Variants in ACKR3 observed in about 807,000 individuals in gnomAD.
The protein encoded by ACKR3 is atypical chemokine receptor 3.
A neutral mutation model predicts 22.4 loss-of-function variants in ACKR3; 6 were observed. That is an observed-to-expected ratio of 0.27 (90% CI 0.15 to 0.53). The LOEUF (loss-of-function observed/expected upper bound fraction) is 0.53, where lower values mean the gene tolerates loss of function less well. ACKR3 is among the 20% of genes least tolerant of loss of function. The pLI, the probability that ACKR3 is intolerant of heterozygous loss-of-function variation, is 0.96. For missense variants in ACKR3, 396 were observed against 475.2 expected (o/e 0.83, Z 1.55); for synonymous variants, 209 against 205.2 (o/e 1.02, Z -0.16).
chr2:236,546,649 TG>T, the ACKR3 span, among the ~76,000 whole-genome samples: 1 of 152,154 alleles, frequency 6.6e-6, no homozygotes, highest in Non-Finnish European at 1.5e-5. The surrounding 1 kb of genome is among the most constrained non-coding windows in gnomAD (Gnocchi z 4.9). Flanking sequence ...TTGGAGAACC[TG>T]GGCAGCAGAG....
rs1217773391 is a variant in ACKR3, at chr2:236,581,239, G to C, written c.774G>C (p.Val258=). 6.2e-7 allele frequency: 1 copy of C among 1,614,058 alleles called. No individual in the cohort carries two copies. The change falls in exon 2 of 2, where the codon GTG becomes GTC. Residue 258 remains valine, a synonymous_variant. Coordinates refer to ENST00000272928, the MANE Select transcript of ACKR3 (RefSeq NM_020311.3). The surrounding 1 kb of genome is among the most constrained non-coding windows in gnomAD (Gnocchi z 4.4). ...HSSRKIIFSY[V]VVFLVCWLPY... ...GCCGGAAGATCATCTTCTCCTACGTGGTGGTCTTCCTTGTCTGCTGGCTGC... is the reference window on the plus strand; with the variant it reads ...GCCGGAAGATCATCTTCTCCTACGTCGTGGTCTTCCTTGTCTGCTGGCTGC...
At chr2:236,537,542 C>T in the ACKR3 span, among the ~76,000 whole-genome samples, 3 of 152,210 alleles carry the variant, frequency 2.0e-5, no homozygotes, top group African/African-American at 7.2e-5. Flanking sequence ...AACAGCAGTT[C>T]TCCATTGGGC....
In ACKR3 at chr2:236,574,800, A is replaced by G. The variant is rs1459368876; in HGVS notation, c.-27+4876A>G. On this transcript the variant is annotated intron_variant, in intron 1 of 1. Coordinates refer to ENST00000272928, the MANE Select transcript of ACKR3 (RefSeq NM_020311.3). The surrounding 1 kb of genome is among the most constrained non-coding windows in gnomAD (Gnocchi z 5.6). ...GTCAAGGATACTTGGTTGATGAATA[A>G]AACATCCCAGAAACGAGAGGTGCAT... Among the ~76,000 whole-genome samples, 1 of 152,158 alleles carries G rather than the reference A, an allele frequency of 6.6e-6. No individual in the cohort carries two copies. The highest frequency in any genetic ancestry group is 1.5e-5 in the Non-Finnish European group (1 of 68,030).
At chr2:236,552,302 C>T in the ACKR3 span, among the ~76,000 whole-genome samples, 3 of 152,142 alleles carry the variant, frequency 2.0e-5, no homozygotes, top group East Asian at 5.8e-4. Flanking sequence ...GGGACAGATG[C>T]TGGGGAGAGA....
At chr2:236,575,710 T>C (rs1691400518) in intron 1 of ACKR3, among the ~76,000 whole-genome samples, 1 of 152,118 alleles carries the variant, frequency 6.6e-6, no homozygotes, top group East Asian at 1.9e-4. Context: ...CTGCGTATTG[T>C]CTTTCACTGA....
At chr2:236,564,904 T>C (rs1231737202), upstream of ACKR3, among the ~76,000 whole-genome samples, 1 of 152,146 alleles carries the variant, frequency 6.6e-6, no homozygotes, top group Non-Finnish European at 1.5e-5. Flanking sequence ...ACAAAGACAG[T>C]GCCACCTTTA....
chr2:236,578,591 C>T (rs752601246), intron 1 of ACKR3, among the ~76,000 whole-genome samples: 1 of 152,210 alleles, frequency 6.6e-6, no homozygotes, highest in Non-Finnish European at 1.5e-5. Context: ...GAGGGGACCC[C>T]ACAGTCATTT....
At chr2:236,543,963 A>T in the ACKR3 span, among the ~76,000 whole-genome samples, 1 of 55,646 alleles carries the variant, frequency 1.8e-5, no homozygotes, top group East Asian at 6.5e-4. Context: ...ATATATATAT[A>T]TATATATATA....
At chr2:236,572,377 C>G (rs933957867) in intron 1 of ACKR3, among the ~76,000 whole-genome samples, 1 of 152,176 alleles carries the variant, frequency 6.6e-6, no homozygotes, top group African/African-American at 2.4e-5. Context: ...TCTCAGGTGG[C>G]CTTGAACCAC....
At chr2:236,537,396 T>C in the ACKR3 span, among the ~76,000 whole-genome samples, 1 of 152,188 alleles carries the variant, frequency 6.6e-6, no homozygotes, top group Non-Finnish European at 1.5e-5. Flanking sequence ...CAGGGCTCCA[T>C]GAATAGGCTT....
At chr2:236,550,322 G>T in the ACKR3 span, among the ~76,000 whole-genome samples, 3 of 152,342 alleles carry the variant, frequency 2.0e-5, no homozygotes, top group South Asian at 6.2e-4. The surrounding 1 kb of genome is among the most constrained non-coding windows in gnomAD (Gnocchi z 4.6). Flanking sequence ...GGGGTGGCAG[G>T]GTACCCGGCT....
chr2:236,554,628 G>A, the ACKR3 span, among the ~76,000 whole-genome samples: 89 of 152,326 alleles, frequency 5.8e-4, no homozygotes, highest in African/African-American at 2.1e-3. Flanking sequence ...AGCTGTTCAT[G>A]GGGAAGTGTC....
At position 236,580,475 on chromosome 2, in the gene ACKR3, C is replaced by T. The variant is rs757837574; in HGVS notation, c.10C>T (p.His4Tyr). The change falls in exon 2 of 2, where the codon CAT becomes TAT. Residue 4 changes from histidine to tyrosine, a missense_variant. By Grantham distance (83) the His-to-Tyr change is moderately conservative. Coordinates refer to ENST00000272928, the MANE Select transcript of ACKR3 (RefSeq NM_020311.3). MDL[H>Y]LFDYSEPGNF... is the part of the protein sequence containing the mutation. ...TGCCCGCCTCAGAACGATGGATCTG[C>T]ATCTCTTCGACTACTCAGAGCCAGG... is the stretch of plus-strand genomic sequence containing the variant. The T allele has an allele frequency of 2.7e-5, 43 of 1,610,492 alleles. No individual in the cohort carries two copies. The highest frequency in any genetic ancestry group is 6.7e-5 in the Admixed American group (4 of 59,954).
the ACKR3 span, among the ~76,000 whole-genome samples, chr2:236,558,346 C>T: frequency 6.6e-6 from 1 of 152,160 alleles, no homozygotes; most frequent in Admixed American, 6.5e-5. Flanking sequence ...TGGTAACTTC[C>T]GGCTGTTGCC....
the ACKR3 span, among the ~76,000 whole-genome samples, chr2:236,561,468 A>G: frequency 6.7e-5 from 10 of 150,322 alleles, no homozygotes. Flanking sequence ...ATCTATTCCT[A>G]TGAATTTTAT....
chr2:236,540,749 C>T, the ACKR3 span, among the ~76,000 whole-genome samples: 1 of 152,128 alleles, frequency 6.6e-6, no homozygotes, highest in Non-Finnish European at 1.5e-5. Flanking sequence ...ACTGAAGAGA[C>T]CACCCTTTCC....
At chr2:236,579,660 T>C (rs1229038010) in intron 1 of ACKR3, among the ~76,000 whole-genome samples, 1 of 152,192 alleles carries the variant, frequency 6.6e-6, no homozygotes, top group Non-Finnish European at 1.5e-5. Flanking sequence ...CACACCTTGC[T>C]GTTGAAGCAG....
chr2:236,542,392 C>T, the ACKR3 span, among the ~76,000 whole-genome samples: 2 of 152,038 alleles, frequency 1.3e-5, no homozygotes, highest in Non-Finnish European at 2.9e-5. Context: ...TAGCAGTTGA[C>T]TTTTCATAAT....
the ACKR3 span, among the ~76,000 whole-genome samples, chr2:236,557,462 C>A: frequency 6.6e-6 from 1 of 152,108 alleles, no homozygotes; most frequent in Non-Finnish European, 1.5e-5. Flanking sequence ...CCCACACTGA[C>A]TTTTTGTGCC....
Sources: gnomAD v4.1 joint callset for allele counts (sites outside exome capture counted in the v4.1 genomes callset) on GRCh38, gnomAD v4.1.1 for gene constraint, Gnocchi (gnomAD v3.1) non-coding constraint, MANE v1.5 for transcripts, NCBI Gene and HGNC (gene_info 2026-07-23, HGNC 2026-07-21) for gene names.